Variants in CFAP206 observed in about 807,000 individuals in gnomAD.
The protein encoded by CFAP206 is cilia- and flagella-associated protein 206.
Under a neutral mutation model 65.4 loss-of-function variants are expected in CFAP206, and 53 were observed. The ratio of observed to expected loss-of-function variants is 0.81; its 90% CI spans 0.65 to 1.02. The LOEUF (loss-of-function observed/expected upper bound fraction) is 1.02. CFAP206 is among the 50% of genes least tolerant of loss of function. The pLI is 0.00. For synonymous variants in CFAP206, 250 were observed against 254.4 expected, an observed-to-expected ratio of 0.98 and a Z score of 0.17; for missense variants, 663 against 753.2, an observed-to-expected ratio of 0.88 and a Z score of 1.40.
intron 12 of CFAP206, among the ~76,000 whole-genome samples, chr6:87,462,427 TATC>T (rs1299184632): frequency 6.6e-6 from 1 of 152,220 alleles, no homozygotes; most frequent in Non-Finnish European, 1.5e-5. Context: ...TATTTTCTAT[TATC>T]TACTAAACTC....
At chr6:87,410,112 A>C (rs1243279498) in intron 2 of CFAP206, among the ~76,000 whole-genome samples, 165 bp downstream of exon 2, 3 of 152,212 alleles carry the variant, frequency 2.0e-5, no homozygotes, top group Non-Finnish European at 4.4e-5. Flanking sequence ...AAGTTTATAG[A>C]GCATGTGAGT....
At position 87,461,047 on chromosome 6, in the gene CFAP206, T is replaced by A; in HGVS notation, c.1520T>A (p.Ile507Lys). The change falls in exon 12 of 13, where the codon ATA becomes AAA. Residue 507 changes from isoleucine (I) to lysine (K), a missense_variant. Transcript: ENST00000369562. ...SQMRDADKHY[I>K]KPITKCESST... ...ATGAGAGATGCTGACAAACATTATA[T>A]AAAACCAATTACAAAATGTGAAAGT... 1 of 1,584,666 alleles carries A rather than the reference T, an allele frequency of 6.3e-7. No homozygotes were observed. The highest frequency in any genetic ancestry group is 8.5e-7 in the Non-Finnish European group (1 of 1,170,324).
At chr6:87,445,285 T>C in intron 11 of CFAP206, 1 of 212,092 alleles carries the variant, frequency 4.7e-6, no homozygotes, top group Non-Finnish European at 9.4e-6. Flanking sequence ...CTGAGGTGGT[T>C]TGCTGCCCCT....
intron 11 of CFAP206, among the ~76,000 whole-genome samples, chr6:87,443,979 G>A (rs994931365): frequency 6.6e-6 from 1 of 152,018 alleles, no homozygotes; most frequent in East Asian, 1.9e-4. Flanking sequence ...ATCATAGTTC[G>A]GTTCTGAATG....
chr6:87,417,131 C>T (rs927462022), intron 6 of CFAP206, among the ~76,000 whole-genome samples: 31 of 151,978 alleles, frequency 2.0e-4, no homozygotes, highest in African/African-American at 6.8e-4. Flanking sequence ...ACTGCAAGTC[C>T]GTAACCAAAA....
intron 11 of CFAP206, among the ~76,000 whole-genome samples, chr6:87,458,895 A>G (rs1332259648): frequency 6.6e-6 from 1 of 152,160 alleles, no homozygotes. Context: ...TACACATTGT[A>G]TGCCTGTATC....
At chr6:87,427,231 G>A (rs1768057833) in intron 8 of CFAP206, among the ~76,000 whole-genome samples, 1 of 152,152 alleles carries the variant, frequency 6.6e-6, no homozygotes, top group South Asian at 2.1e-4. Flanking sequence ...TCCGCCTCCT[G>A]GGTTCACGCC....
intron 8 of CFAP206, among the ~76,000 whole-genome samples, 181 bp downstream of exon 8, chr6:87,426,826 C>G (rs1235447464): frequency 6.6e-6 from 1 of 152,048 alleles, no homozygotes; most frequent in Non-Finnish European, 1.5e-5. Flanking sequence ...GAGAGAATTC[C>G]CCCACATAAG....
intron 11 of CFAP206, among the ~76,000 whole-genome samples, chr6:87,439,772 G>A (rs769584122): frequency 1.1e-4 from 16 of 151,670 alleles, no homozygotes; most frequent in Admixed American, 4.0e-4. Context: ...TGAAATTGTC[G>A]TAGACCATTT....
At chr6:87,437,580 C>T (rs999707054) in intron 11 of CFAP206, among the ~76,000 whole-genome samples, 2 of 152,002 alleles carry the variant, frequency 1.3e-5, no homozygotes, top group Non-Finnish European at 2.9e-5. Flanking sequence ...TTTTCCTTTA[C>T]AGATTGTGCT....
At chr6:87,445,567 T>C (rs1201044042) in intron 11 of CFAP206, among the ~76,000 whole-genome samples, 4 of 152,320 alleles carry the variant, frequency 2.6e-5, no homozygotes, top group Non-Finnish European at 5.9e-5. Context: ...TATTATTCCA[T>C]GGTGTATATG....
At chr6:87,433,631 T>A (rs1440978028) in intron 10 of CFAP206, among the ~76,000 whole-genome samples, 1 of 152,238 alleles carries the variant, frequency 6.6e-6, no homozygotes, top group African/African-American at 2.4e-5. Flanking sequence ...AAAAGATTTT[T>A]ACAATTATTA....
At chr6:87,434,725 T>C (rs755374452) in intron 10 of CFAP206, 135 bp from the exon 11 acceptor site, 6 of 499,436 alleles carry the variant, frequency 1.2e-5, no homozygotes, top group Non-Finnish European at 2.1e-5. Flanking sequence ...CTTGAACTCC[T>C]GACCTCAGGT....
Position 87,415,903 on chromosome 6 carries a change from T to C in CFAP206, c.472+29T>C, listed in dbSNP as rs774769396. 8 of 1,398,326 alleles carry C rather than the reference T, an allele frequency of 5.7e-6. No homozygotes were observed. In the South Asian group the frequency reaches 1.4e-4, roughly 24 times the overall value. 86.6% of individuals were successfully genotyped at this position (1,398,326 alleles called of 1,614,324 possible). A position where few individuals can be genotyped will look rare whatever the true frequency, so the allele number is the denominator to read the frequency against. ...AAAAGTATAACCAATTTCCATTTCA[T>C]AAGTGAAAATATATGGTCATTGTAT... On this transcript the variant is annotated intron_variant, in intron 5 of 12. Transcript: ENST00000369562.
chr6:87,443,820 T>G (rs1298368393), intron 11 of CFAP206, among the ~76,000 whole-genome samples: 3 of 152,134 alleles, frequency 2.0e-5, no homozygotes, highest in Non-Finnish European at 4.4e-5. Flanking sequence ...GTTGCCATCT[T>G]GATGTCCATG....
chr6:87,427,887 T>G lies in CFAP206; in HGVS notation c.961-739T>G, dbSNP rs542739720. ...TTCAGCATCTGATTTTTGGTACTTA[T>G]GAAGGTGTTTTTTTCTGTATAAATA... On this transcript the variant is annotated intron_variant, in intron 8 of 12. Coordinates refer to ENST00000369562, the MANE Select transcript of CFAP206 (RefSeq NM_001031743.3). 2.0e-5 allele frequency among the ~76,000 whole-genome samples: 3 copies of G among 152,140 alleles called. No homozygotes were observed. In the East Asian group the frequency reaches 5.8e-4, roughly 29 times the overall value.
At chr6:87,435,926 A>C (rs1768259442) in intron 11 of CFAP206, 1 of 152,070 alleles carries the variant, frequency 6.6e-6, no homozygotes, top group Non-Finnish European at 1.5e-5. Flanking sequence ...TTGGCATCCC[A>C]AAGTGTTGGG....
In CFAP206 at chr6:87,464,053, C is replaced by T. The variant is rs763495518; in HGVS notation, c.1672C>T (p.Gln558Ter). Residue 558 changes from glutamine (Q) to a stop codon, truncating the protein, a stop_gained, in exon 13 of 13, where the codon CAA (glutamine) becomes TAA (stop). Coordinates refer to ENST00000369562, the MANE Select transcript of CFAP206 (RefSeq NM_001031743.3). LOFTEE classifies it high-confidence loss of function. ...GCGCCAGAAAGTTACTCACTCAGTACAAACTGATCTTAGTCACTTGAGAAG... is the reference window on the plus strand; with the variant it reads ...GCGCCAGAAAGTTACTCACTCAGTATAAACTGATCTTAGTCACTTGAGAAG... ...NLRQKVTHSV[Q>*]TDLSHLRREN... 1.9e-6 allele frequency: 3 copies of T among 1,613,822 alleles called. No individual in the cohort carries two copies. Among genetic ancestry groups the T allele is most frequent in the African/African-American group, 2.7e-5 (2 of 74,920 alleles).
chr6:87,454,052 T>C (rs752782571), intron 11 of CFAP206, among the ~76,000 whole-genome samples: 3 of 152,162 alleles, frequency 2.0e-5, no homozygotes, highest in Non-Finnish European at 4.4e-5. Flanking sequence ...AAAAAGTTAT[T>C]CCATGCAAAT....
Sources: gnomAD v4.1 joint callset for allele counts (sites outside exome capture counted in the v4.1 genomes callset) on GRCh38, gnomAD v4.1.1 for gene constraint, MANE v1.5 for transcripts, NCBI Gene and HGNC (gene_info 2026-07-23, HGNC 2026-07-21) for gene names.